Variants in ACSBG1 observed in about 807,000 individuals in gnomAD.
The protein encoded by ACSBG1 is long-chain-fatty-acid--CoA ligase ACSBG1.
A neutral mutation model predicts 80.2 loss-of-function variants in ACSBG1; 39 were observed. That is an observed-to-expected ratio of 0.49 (90% CI 0.38 to 0.64). ACSBG1 has a LOEUF of 0.64. ACSBG1 is among the 30% of genes least tolerant of loss of function. The pLI is 0.00. For synonymous variants in ACSBG1, 392 were observed against 379.5 expected, an observed-to-expected ratio of 1.03 and a Z score of -0.38; for missense variants, 828 against 966.4, an observed-to-expected ratio of 0.86 and a Z score of 1.90.
At chr15:78,187,857 T>A (rs898108316) in intron 5 of ACSBG1, among the ~76,000 whole-genome samples, 85 of 152,194 alleles carry the variant, frequency 5.6e-4, no homozygotes, top group Non-Finnish European at 9.1e-4. Flanking sequence ...ATAAAGGGTA[T>A]TCAATTAGGG....
At chr15:78,219,383 G>A (rs1049319442) in intron 1 of ACSBG1, among the ~76,000 whole-genome samples, 1 of 144,696 alleles carries the variant, frequency 6.9e-6, no homozygotes, top group African/African-American at 2.6e-5. Flanking sequence ...TTCCAGCCTG[G>A]GTGACAGAGT....
rs768930002 is a variant in ACSBG1 at position 78,193,657 on chromosome 15, G to A, written c.543-31C>T. ...GGAGACCCAGGAAGATTCACCTTAG[G>A]GGAGGTGCAGAGGGGCCACCCCCTT... On this transcript the variant is annotated intron_variant, in intron 4 of 13. Coordinates refer to ENST00000258873, the MANE Select transcript of ACSBG1 (RefSeq NM_015162.5). The A allele has an allele frequency of 1.9e-6, 3 of 1,601,572 alleles. No individual in the cohort carries two copies. In the South Asian group the frequency reaches 3.4e-5, roughly 18 times the overall value.
intron 1 of ACSBG1, among the ~76,000 whole-genome samples, chr15:78,232,516 G>C (rs2075454211): frequency 1.3e-5 from 2 of 152,068 alleles, no homozygotes; most frequent in South Asian, 4.1e-4. Context: ...TTTCACCACA[G>C]GCCTGAGACA....
At chr15:78,199,063 T>G (rs921860576) in intron 2 of ACSBG1, among the ~76,000 whole-genome samples, 1 of 152,172 alleles carries the variant, frequency 6.6e-6, no homozygotes, top group African/African-American at 2.4e-5. Flanking sequence ...TCTCTGCTTT[T>G]TATAGAGACA....
intron 5 of ACSBG1, among the ~76,000 whole-genome samples, chr15:78,190,880 C>T (rs1477646976): frequency 6.6e-6 from 1 of 151,530 alleles, no homozygotes; most frequent in Admixed American, 6.6e-5. Context: ...ATAAAAAAGA[C>T]AAAAAAGTCA....
intron 1 of ACSBG1, among the ~76,000 whole-genome samples, chr15:78,221,312 G>A (rs1218273722): frequency 6.6e-6 from 1 of 152,142 alleles, no homozygotes; most frequent in Non-Finnish European, 1.5e-5. Context: ...GATCAGCAAG[G>A]AAACATGCGA....
intron 2 of ACSBG1, among the ~76,000 whole-genome samples, chr15:78,198,386 G>A (rs541650924): frequency 4.1e-4 from 62 of 149,612 alleles, no homozygotes; most frequent in Admixed American, 3.2e-3. Flanking sequence ...TCACTCTGTC[G>A]CCCAGGCTGG....
chr15:78,190,379 G>T (rs550094731), intron 5 of ACSBG1, among the ~76,000 whole-genome samples: 1 of 150,776 alleles, frequency 6.6e-6, no homozygotes, highest in African/African-American at 2.4e-5. Context: ...TTTTAAGACA[G>T]GGTCTAACTC....
In ACSBG1 at chr15:78,179,624, CAA is replaced by C. The variant is rs1255720370; in HGVS notation, c.1408_1409del (p.Leu470ValfsTer8). The C allele has an allele frequency of 1.2e-6, 2 of 1,614,076 alleles. No homozygotes were observed. Among genetic ancestry groups the C allele is most frequent in the Non-Finnish European group, 1.7e-6 (2 of 1,180,044 alleles). On this transcript the variant is annotated frameshift_variant, in exon 10 of 14. Transcript: ENST00000258873. LOFTEE classifies it high-confidence loss of function. ...TCTCACTGAGGCCGTAGCCCGCATA[CAA>C]GCGGATGTTGAGACCCAGGAAGAAG... ...QHFFLGLNIR[L>X]YAGYGLSETS...
At chr15:78,208,193 AC>A in intron 1 of ACSBG1, 91 bp from the exon 2 acceptor site, 1 of 916,228 alleles carries the variant, frequency 1.1e-6, no homozygotes, top group Non-Finnish European at 1.7e-6. Context: ...ACATCTCAGC[AC>A]CCCCAGGGGG....
chr15:78,194,819 A>T, intron 2 of ACSBG1, 93 bp from the exon 3 acceptor site: 1 of 1,332,796 alleles, frequency 7.5e-7, no homozygotes, highest in African/African-American at 1.4e-5. Flanking sequence ...TGGTGCTGAC[A>T]ATGCCTTGGG....
intron 2 of ACSBG1, 39 bp downstream of exon 2, chr15:78,207,936 CTCCAGCACACCCAGCACAGCACAGTTT>C: frequency 8.8e-6 from 8 of 909,664 alleles, no homozygotes; most frequent in Middle Eastern, 2.9e-4. Flanking sequence ...CCACCCACCC[CTCCAGCACACCCAGCACAGCACAGTTT>C]CCCGCCCTGC....
chr15:78,180,999 CT>C, intron 8 of ACSBG1, 63 bp from the exon 9 acceptor site: 9 of 1,562,912 alleles, frequency 5.8e-6, no homozygotes, highest in Non-Finnish European at 7.8e-6. Flanking sequence ...GGGGTCCCCT[CT>C]TACCAGCCAG....
At chr15:78,232,073 T>A (rs1250044264) in intron 1 of ACSBG1, among the ~76,000 whole-genome samples, 1 of 152,250 alleles carries the variant, frequency 6.6e-6, no homozygotes, top group Non-Finnish European at 1.5e-5. Flanking sequence ...CCAAGGCATG[T>A]GACCTCCAGC....
chr15:78,193,843 G>T, intron 4 of ACSBG1, 89 bp downstream of exon 4: 1 of 1,502,616 alleles, frequency 6.7e-7, no homozygotes. Flanking sequence ...GGGAGTGGGT[G>T]GGGGCTGCTA....
chr15:78,172,930 C>T lies in ACSBG1; in HGVS notation c.2089+663G>A, dbSNP rs962586715. 6.6e-5 allele frequency among the ~76,000 whole-genome samples: 10 copies of T among 152,230 alleles called. No homozygotes were observed. The highest frequency in any genetic ancestry group is 2.1e-4 in the South Asian group (1 of 4,838). ...CACAGTACTCTCACCCCTAGAACCA[C>T]GTGACTCCAGGCTGAACACTAGCAG... On this transcript the variant is annotated intron_variant, in intron 13 of 13. Coordinates refer to ENST00000258873, the MANE Select transcript of ACSBG1 (RefSeq NM_015162.5). This position sits in a 1 kb window ranked among gnomAD's most constrained non-coding sequence, Gnocchi z 4.1.
At chr15:78,181,891 G>A in intron 8 of ACSBG1, 78 bp downstream of exon 8, 3 of 1,525,622 alleles carry the variant, frequency 2.0e-6, no homozygotes, top group Non-Finnish European at 2.7e-6. Context: ...ACACACAAAT[G>A]CACTCAGGGC....
chr15:78,169,625 T>C lies in ACSBG1; in HGVS notation c.*1819A>G, dbSNP rs1462727431. On this transcript the variant is annotated 3_prime_UTR_variant, in exon 14 of 14. Transcript: ENST00000258873. ...TCCAAGAAATATATAATGAGAGATA[T>C]AATTTTTGTTAATAAGACAAAGGTA... 6.6e-6 allele frequency: 1 copy of C among 152,232 alleles called. No individual in the cohort carries two copies. Among genetic ancestry groups the C allele is most frequent in the African/African-American group, 2.4e-5 (1 of 41,456 alleles). 9.4% of individuals were successfully genotyped at this position (152,232 alleles called of 1,614,324 possible).
chr15:78,174,919 G>A, intron 11 of ACSBG1: 1 of 210,312 alleles, frequency 4.8e-6, no homozygotes, highest in Non-Finnish European at 9.6e-6. Context: ...CACTTCACAT[G>A]CAGTAATTCA....
Sources: gnomAD v4.1 joint callset for allele counts (sites outside exome capture counted in the v4.1 genomes callset) on GRCh38, gnomAD v4.1.1 for gene constraint, Gnocchi (gnomAD v3.1) non-coding constraint, MANE v1.5 for transcripts, NCBI Gene and HGNC (gene_info 2026-07-23, HGNC 2026-07-21) for gene names.